EXOC6B: variants seen among roughly 807,000 people sequenced by gnomAD.
EXOC6B encodes the protein SEC15 homolog B.
EXOC6B carries 54 observed loss-of-function variants against 113.5 expected under a neutral mutation model. The observed-to-expected ratio is 0.48, with a 90% CI of 0.38 to 0.60. The LOEUF (loss-of-function observed/expected upper bound fraction) is 0.60. Ranked by LOEUF, EXOC6B falls within the 20% of genes least tolerant of loss-of-function variation. The probability of loss-of-function intolerance (pLI) is 0.00; values close to 1 mark genes in which losing one functional copy is unlikely to be tolerated. For missense variants in EXOC6B, 797 were observed against 977.5 expected, an observed-to-expected ratio of 0.82 and a Z score of 2.46; for synonymous variants, 357 against 339.0, an observed-to-expected ratio of 1.05 and a Z score of -0.58.
intron 6 of EXOC6B, among the ~76,000 whole-genome samples, chr2:72,587,525 G>A (rs1266487934): frequency 2.0e-5 from 3 of 152,076 alleles, no homozygotes; most frequent in East Asian, 1.9e-4. Context: ...AATCACACGT[G>A]TAACAAACCT....
chr2:72,375,317 T>A (rs1691288884), intron 19 of EXOC6B, among the ~76,000 whole-genome samples: 1 of 152,170 alleles, frequency 6.6e-6, no homozygotes, highest in Admixed American at 6.6e-5. Flanking sequence ...ACTTTACCCA[T>A]GTGATGTCTA....
chr2:72,465,431 GTAACTGGGAATA>G, intron 17 of EXOC6B, 92 bp from the exon 18 acceptor site: 1 of 936,310 alleles, frequency 1.1e-6, no homozygotes, highest in East Asian at 2.6e-5. Flanking sequence ...TATCCATTAA[GTAACTGGGAATA>G]TAACTGGGAA....
chr2:72,335,934 C>A (rs910605525), intron 19 of EXOC6B, among the ~76,000 whole-genome samples: 1 of 152,034 alleles, frequency 6.6e-6, no homozygotes, highest in Non-Finnish European at 1.5e-5. Flanking sequence ...GATATAAGGA[C>A]AAAAACTAGT....
At chr2:72,767,808 T>TAAACAAAAAAAAAA (rs1683162442) in intron 1 of EXOC6B, among the ~76,000 whole-genome samples, 1 of 12,680 alleles carries the variant, frequency 7.9e-5, no homozygotes, top group Non-Finnish European at 1.5e-4. Context: ...GAGACCTTGT[T>TAAACAAAAAAAAAA]AAAAAAAAAA....
At chr2:72,735,834 CA>C (rs1680916502) in intron 2 of EXOC6B, among the ~76,000 whole-genome samples, 1 of 150,854 alleles carries the variant, frequency 6.6e-6, no homozygotes, top group Non-Finnish European at 1.5e-5. Context: ...AACTCCATCT[CA>C]AAAAAATAAA....
At chr2:72,237,453 A>G (rs1682034825) in intron 20 of EXOC6B, among the ~76,000 whole-genome samples, 1 of 136,538 alleles carries the variant, frequency 7.3e-6, no homozygotes, top group Admixed American at 7.0e-5. Flanking sequence ...ACAGAGATTC[A>G]GCAAATATAT....
intron 6 of EXOC6B, among the ~76,000 whole-genome samples, chr2:72,632,165 A>T (rs1027312919): frequency 6.6e-6 from 1 of 152,208 alleles, no homozygotes; most frequent in African/African-American, 2.4e-5. Flanking sequence ...ATGGGAAATG[A>T]ATACACAATT....
intron 6 of EXOC6B, among the ~76,000 whole-genome samples, chr2:72,611,781 T>C (rs1472905418): frequency 6.6e-6 from 1 of 152,132 alleles, no homozygotes; most frequent in Admixed American, 6.5e-5. Flanking sequence ...TACAACTACA[T>C]CATGGGACAT....
chr2:72,180,979 G>C (rs1166713321), intron 21 of EXOC6B, among the ~76,000 whole-genome samples: 1 of 152,144 alleles, frequency 6.6e-6, no homozygotes, highest in African/African-American at 2.4e-5. Context: ...GGAGGCCGAG[G>C]CGGGTGGATC....
Position 72,663,248 on chromosome 2 carries a change from A to G in EXOC6B, c.669+54855T>C, listed in dbSNP as rs566327906. The stretch of plus-strand genomic sequence containing the variant: ...AATAATTTGGATTGATATCAGAGGT[A>G]TTCTGCTGAATGAAAGAAGCCAGTC... On this transcript the variant is annotated intron_variant, in intron 6 of 21. Coordinates refer to ENST00000272427, the MANE Select transcript of EXOC6B (RefSeq NM_015189.3). Among the ~76,000 whole-genome samples, 10 of 152,366 alleles carry G rather than the reference A, an allele frequency of 6.6e-5. No homozygotes were observed. The South Asian group carries it at 1.2e-3, about 19-fold the overall frequency.
chr2:72,364,477 T>A (rs1484266215), intron 19 of EXOC6B, among the ~76,000 whole-genome samples: 1 of 152,174 alleles, frequency 6.6e-6, no homozygotes, highest in African/African-American at 2.4e-5. Flanking sequence ...TGAAAGGTTA[T>A]TACAAATACC....
intron 20 of EXOC6B, among the ~76,000 whole-genome samples, chr2:72,321,680 A>G (rs916598692): frequency 6.6e-6 from 1 of 152,214 alleles, no homozygotes; most frequent in African/African-American, 2.4e-5. Flanking sequence ...TTTGGAAAAG[A>G]CAAAACCATA....
intron 20 of EXOC6B, among the ~76,000 whole-genome samples, chr2:72,187,585 C>T (rs1031692498): frequency 3.3e-5 from 5 of 152,072 alleles, no homozygotes; most frequent in African/African-American, 7.2e-5. Flanking sequence ...CAGGTTGTCT[C>T]GATAAGTGTT....
intron 5 of EXOC6B, among the ~76,000 whole-genome samples, chr2:72,729,038 T>C (rs1387979381): frequency 2.6e-5 from 4 of 152,162 alleles, no homozygotes; most frequent in Non-Finnish European, 5.9e-5. Context: ...GAGTAATGCC[T>C]AGCGCATAGT....
At chr2:72,408,700 T>C (rs1241688216) in intron 18 of EXOC6B, among the ~76,000 whole-genome samples, 1 of 152,170 alleles carries the variant, frequency 6.6e-6, no homozygotes, top group Admixed American at 6.5e-5. Flanking sequence ...CCTTACACCT[T>C]ATACAAAAAT....
intron 6 of EXOC6B, among the ~76,000 whole-genome samples, chr2:72,631,685 G>T (rs920854769): frequency 6.6e-5 from 10 of 151,520 alleles, no homozygotes; most frequent in African/African-American, 2.4e-4. Context: ...ATGTATTTTT[G>T]ATAGAAATGG....
chr2:72,794,122 C>T (rs1314831789), intron 1 of EXOC6B, among the ~76,000 whole-genome samples: 1 of 152,188 alleles, frequency 6.6e-6, no homozygotes, highest in African/African-American at 2.4e-5. Flanking sequence ...CATATATAAA[C>T]ATCCTGTCAC....
chr2:72,243,576 C>T (rs1682464059), intron 20 of EXOC6B, among the ~76,000 whole-genome samples: 3 of 152,130 alleles, frequency 2.0e-5, no homozygotes, highest in Admixed American at 2.0e-4. Flanking sequence ...GGGAACATCA[C>T]TCCCTGGGGC....
intron 1 of EXOC6B, among the ~76,000 whole-genome samples, chr2:72,777,199 A>G (rs7585242): frequency 0.072 from 10,946 of 152,078 alleles, 1,331 homozygotes; most frequent in African/African-American, 0.25. Context: ...CAAGATCCTC[A>G]TGCCACTGCA....
Sources: gnomAD v4.1 joint callset for allele counts (sites outside exome capture counted in the v4.1 genomes callset) on GRCh38, gnomAD v4.1.1 for gene constraint, MANE v1.5 for transcripts, NCBI Gene and HGNC (gene_info 2026-07-23, HGNC 2026-07-21) for gene names.